Variants in CA5B observed in about 807,000 individuals in gnomAD.
CA5B encodes the protein carbonic anhydrase 5B, mitochondrial.
Under a neutral mutation model 23.1 loss-of-function variants are expected in CA5B, and 15 were observed. The observed-to-expected ratio is 0.65, with a 90% CI of 0.43 to 1.00. The LOEUF (loss-of-function observed/expected upper bound fraction) is 1.00. Ranked by LOEUF, CA5B falls within the 50% of genes least tolerant of loss-of-function variation. The pLI, the probability that CA5B is intolerant of heterozygous loss-of-function variation, is 0.00. For synonymous variants in CA5B, 84 were observed against 98.5 expected, an observed-to-expected ratio of 0.85 and a Z score of 0.87; for missense variants, 236 against 252.2, an observed-to-expected ratio of 0.94 and a Z score of 0.43.
intron 2 of CA5B, among the ~76,000 whole-genome samples, chrX:15,752,445 G>T (rs767663082): frequency 9.8e-5 from 11 of 112,194 alleles, no homozygotes; most frequent in African/African-American, 3.6e-4. Context: ...GAATCTCTGG[G>T]CCAGGCGCGA....
intron 1 of CA5B, among the ~76,000 whole-genome samples, chrX:15,745,183 A>AAAAAAAAAAAAAAAAG (rs1555992328): frequency 2.3e-4 from 20 of 86,762 alleles, no homozygotes; most frequent in Non-Finnish European, 3.6e-4. Context: ...AAAAAAAAAA[A>AAAAAAAAAAAAAAAAG]AAAAGAAAAG....
chrX:15,741,384 A>G (rs1448516240), intron 1 of CA5B, among the ~76,000 whole-genome samples: 2 of 100,726 alleles, frequency 2.0e-5, no homozygotes, highest in Admixed American at 1.1e-4. Context: ...CCCTGTCTCA[A>G]AAAAAAAAAA....
intron 1 of CA5B, among the ~76,000 whole-genome samples, chrX:15,745,178 A>AG: frequency 9.7e-6 from 1 of 102,923 alleles, no homozygotes; most frequent in Non-Finnish European, 2.0e-5. Context: ...CAAAAAAAAA[A>AG]AAAAAAAAAG....
chrX:15,751,586 C>T (rs1325275871), intron 2 of CA5B, among the ~76,000 whole-genome samples: 10 of 105,505 alleles, frequency 9.5e-5, no homozygotes, highest in East Asian at 3.0e-4. Context: ...ATCCGGTATA[C>T]GTATGTAGTT....
At chrX:15,761,721 C>A (rs1274836729) in intron 2 of CA5B, among the ~76,000 whole-genome samples, 2 of 110,838 alleles carry the variant, frequency 1.8e-5, no homozygotes, top group East Asian at 5.6e-4. Flanking sequence ...TTTGTCTTGT[C>A]GGGGGGAGCC....
intron 3 of CA5B, among the ~76,000 whole-genome samples, chrX:15,769,050 C>T (rs1415041792): frequency 9.0e-6 from 1 of 111,078 alleles, no homozygotes; most frequent in Non-Finnish European, 1.9e-5. Context: ...CTCAGCTTTC[C>T]GCCTTAAGAA....
At chrX:15,765,239 A>G (rs1931682437) in intron 3 of CA5B, 2 of 216,037 alleles carry the variant, frequency 9.3e-6, no homozygotes. Context: ...GGTTGCAAAG[A>G]CTAGTCATGT....
chrX:15,771,580 C>T (rs1931821358), intron 3 of CA5B, among the ~76,000 whole-genome samples: 1 of 99,477 alleles, frequency 1.0e-5, no homozygotes, highest in African/African-American at 3.5e-5. Flanking sequence ...GCATGGGCCA[C>T]CACGCCCAGC....
intron 2 of CA5B, among the ~76,000 whole-genome samples, chrX:15,752,608 C>G (rs979686004): frequency 5.4e-5 from 6 of 110,627 alleles, no homozygotes; most frequent in Non-Finnish European, 7.6e-5. Flanking sequence ...GCCTGCAGTC[C>G]CAGCTACTAA....
rs921009304 is a variant in CA5B at position 15,785,733 on chromosome X, T to TA, written c.*3076dup. ...AGAATTCTTAGAAAGGTAAACATGG[T>TA]AAAAAAAGAAGTCTTTGTTAACTTT... On this transcript the variant is annotated 3_prime_UTR_variant, in exon 8 of 8. Transcript: ENST00000318636. The TA allele has an allele frequency of 1.1e-4, 12 of 112,390 alleles. No homozygotes were observed. Among genetic ancestry groups the TA allele is most frequent in the Admixed American group, 4.7e-4 (5 of 10,621 alleles). 9.3% of individuals were successfully genotyped at this position (112,390 alleles called of 1,213,427 possible). A position where few individuals can be genotyped will look rare whatever the true frequency, so the allele number is the denominator to read the frequency against.
intron 1 of CA5B, among the ~76,000 whole-genome samples, chrX:15,742,028 C>T (rs1931132631): frequency 8.9e-6 from 1 of 112,200 alleles, no homozygotes; most frequent in Admixed American, 9.4e-5. Flanking sequence ...ACTCCACATG[C>T]TTAAACCTGA....
Position 15,784,643 on chromosome X carries a change from A to G in CA5B, c.*1979A>G, listed in dbSNP as rs1427499631. On this transcript the variant is annotated 3_prime_UTR_variant, in exon 8 of 8. Transcript: ENST00000318636. ...GTCTGCAAGATAGGGTTGGATGAAT[A>G]TACTTAACACTACTGAACTGTACAC... 1 of 112,187 alleles carries G rather than the reference A, an allele frequency of 8.9e-6. No homozygotes were observed. Among genetic ancestry groups the G allele is most frequent in the African/African-American group, 3.2e-5 (1 of 30,840 alleles). The allele number at this position is 112,187 out of a possible 1,213,427, so 9.2% of individuals were successfully genotyped here.
intron 2 of CA5B, among the ~76,000 whole-genome samples, chrX:15,752,549 C>A (rs1233056071): frequency 5.6e-5 from 6 of 107,919 alleles, no homozygotes; most frequent in Non-Finnish European, 1.2e-4. Context: ...CACGGTGAAA[C>A]CCCGTCTCTA....
At chrX:15,765,090 A>G (rs886573014) in intron 3 of CA5B, among the ~76,000 whole-genome samples, 1 of 112,182 alleles carries the variant, frequency 8.9e-6, no homozygotes, top group Non-Finnish European at 1.9e-5. Flanking sequence ...TGTATATTGA[A>G]TATGTACTAA....
chrX:15,752,343 C>A (rs1010939050), intron 2 of CA5B, among the ~76,000 whole-genome samples: 1 of 111,662 alleles, frequency 9.0e-6, no homozygotes, highest in African/African-American at 3.3e-5. Context: ...AGAAGAAAAT[C>A]AAAATATTTT....
intron 2 of CA5B, among the ~76,000 whole-genome samples, chrX:15,753,897 C>G (rs765836736): frequency 8.9e-6 from 1 of 112,193 alleles, no homozygotes; most frequent in Non-Finnish European, 1.9e-5. Context: ...GCGACAAGAG[C>G]GAAATTCTCT....
intron 3 of CA5B, among the ~76,000 whole-genome samples, chrX:15,766,564 A>G (rs1415277458): frequency 1.8e-5 from 2 of 110,783 alleles, no homozygotes; most frequent in African/African-American, 6.6e-5. Flanking sequence ...TTTAAATTTT[A>G]TATTTGTGAA....
intron 4 of CA5B, 24 bp downstream of exon 4, chrX:15,772,638 G>A: frequency 1.1e-6 from 1 of 930,040 alleles, no homozygotes; most frequent in Non-Finnish European, 1.5e-6. Context: ...GTCAGGAACA[G>A]TGACAACTGT....
Position 15,776,657 on chromosome X carries a change from A to G in CA5B, c.619-57A>G, listed in dbSNP as rs953431293. ...CTGAGAACCGTCACCTCGGCGTCCAATTCCTGAGTGGTTTTCACTACTAAA... is the reference window on the plus strand; with the variant it reads ...CTGAGAACCGTCACCTCGGCGTCCAGTTCCTGAGTGGTTTTCACTACTAAA... On this transcript the variant is annotated intron_variant, in intron 6 of 7. Coordinates refer to ENST00000318636, the MANE Select transcript of CA5B (RefSeq NM_007220.4). The G allele has an allele frequency of 1.2e-5, 12 of 1,012,754 alleles. No homozygotes were observed. In the East Asian group the frequency reaches 3.1e-4, roughly 26 times the overall value. 83.5% of individuals were successfully genotyped at this position (1,012,754 alleles called of 1,213,427 possible). A position where few individuals can be genotyped will look rare whatever the true frequency, so the allele number is the denominator to read the frequency against.
Sources: gnomAD v4.1 joint callset for allele counts (sites outside exome capture counted in the v4.1 genomes callset) on GRCh38, gnomAD v4.1.1 for gene constraint, MANE v1.5 for transcripts, NCBI Gene and HGNC (gene_info 2026-07-23, HGNC 2026-07-21) for gene names.